Variants in ARGLU1 observed in about 807,000 individuals in gnomAD.
The protein encoded by ARGLU1 is arginine and glutamate rich 1.
In ARGLU1, 9 loss-of-function variants were observed where a neutral mutation model predicts 37.6. The observed-to-expected ratio is 0.24, with a 90% CI of 0.14 to 0.42. The LOEUF is 0.42. Among genes scored for constraint, ARGLU1 ranks in the 10% least tolerant of loss-of-function variants. ARGLU1 has a pLI of 1.00. For synonymous variants in ARGLU1, 166 were observed against 138.5 expected (o/e 1.20, Z -1.39); for missense variants, 211 against 359.2 (o/e 0.59, Z 3.34).
chr13:106,567,683 G>A lies in ARGLU1; in HGVS notation c.237C>T (p.Pro79=), dbSNP rs1881014650. The change falls in exon 1 of 4, where the codon CCC becomes CCT. Residue 79 remains proline, a synonymous_variant. Transcript: ENST00000400198. This position sits in a 1 kb window ranked among gnomAD's most constrained non-coding sequence, Gnocchi z 4.3. ...ERDRERASSP[P]DRIDIFGRTV... ...TGCGCCCGAAGATGTCGATGCGGTCGGGCGGGGACGAGGCGCGCTCCCGGT... is the reference window on the plus strand; with the variant it reads ...TGCGCCCGAAGATGTCGATGCGGTCAGGCGGGGACGAGGCGCGCTCCCGGT... 1.2e-6 allele frequency: 2 copies of A among 1,613,266 alleles called. No homozygotes were observed. Among genetic ancestry groups the A allele is most frequent in the Non-Finnish European group, 1.7e-6 (2 of 1,179,566 alleles).
chr13:106,557,454 AAT>A lies in ARGLU1; in HGVS notation c.574-325_574-324del. On this transcript the variant is annotated intron_variant, in intron 2 of 3. Coordinates refer to ENST00000400198, the MANE Select transcript of ARGLU1 (RefSeq NM_018011.4). The surrounding 1 kb of genome is among the most constrained non-coding windows in gnomAD (Gnocchi z 5.0). The stretch of plus-strand genomic sequence containing the variant: ...ATAGTATTTACCAAATTAAAAAAAT[AAT>A]ATATAAAATATAAATAAAGTGAATA... 1.1e-6 allele frequency: 1 copy of A among 885,586 alleles called. No homozygotes were observed. Among genetic ancestry groups the A allele is most frequent in the Non-Finnish European group, 1.5e-6 (1 of 649,748 alleles). The allele number at this position is 885,586 out of a possible 1,614,324, so 54.9% of individuals were successfully genotyped here.
chr13:106,562,990 CAAA>C (rs745494550), intron 1 of ARGLU1, among the ~76,000 whole-genome samples: 2 of 67,416 alleles, frequency 3.0e-5, no homozygotes, highest in South Asian at 7.9e-4. Context: ...GACCCTGTCT[CAAA>C]AAAAAAAAAA....
At chr13:106,551,379 G>T (rs1310516399) in intron 3 of ARGLU1, among the ~76,000 whole-genome samples, 1 of 152,056 alleles carries the variant, frequency 6.6e-6, no homozygotes, top group Non-Finnish European at 1.5e-5. Flanking sequence ...ATTCAGCCAA[G>T]CTTTCTATCA....
intron 3 of ARGLU1, among the ~76,000 whole-genome samples, chr13:106,551,170 T>C (rs539312345): frequency 5.3e-5 from 8 of 152,330 alleles, no homozygotes; most frequent in African/African-American, 1.9e-4. Flanking sequence ...CCTTTTGCCA[T>C]CTGAGTAGCC....
At position 106,556,215 on chromosome 13, in the gene ARGLU1, T is replaced by C. The variant is rs112143620; in HGVS notation, c.657+833A>G. Among the ~76,000 whole-genome samples, 138 of 152,392 alleles carry C rather than the reference T, an allele frequency of 9.1e-4. No homozygotes were observed. In the Middle Eastern group the frequency reaches 0.014, roughly 15 times the overall value. ...TTAAGATTTTCTTCGGGAAAGCGGA[T>C]TATGGCTTTCCAATAGATTCCATTA... On this transcript the variant is annotated intron_variant, in intron 3 of 3. Transcript: ENST00000400198.
chr13:106,559,630 G>A lies in ARGLU1; in HGVS notation c.375C>T (p.Leu125=), dbSNP rs759091129. The A allele has an allele frequency of 5.6e-6, 9 of 1,613,498 alleles. No individual in the cohort carries two copies. The highest frequency in any genetic ancestry group is 7.6e-6 in the Non-Finnish European group (9 of 1,179,746). ...KIRQQEIEEK[L]IEEETARRVE... ...CTCTTCGTGCTGTTTCTTCCTCGAT[G>A]AGTTTTTCTTCTATTTCTTGCTGTC... Residue 125 remains leucine (L), a synonymous_variant, in exon 2 of 4, where the codon CTC becomes CTT. Transcript: ENST00000400198.
In ARGLU1 at chr13:106,548,460, A is replaced by G. The variant is rs566710945; in HGVS notation, c.658-4300T>C. 3.9e-5 allele frequency among the ~76,000 whole-genome samples: 6 copies of G among 152,282 alleles called. No homozygotes were observed. In the South Asian group the frequency reaches 8.3e-4, roughly 21 times the overall value. On this transcript the variant is annotated intron_variant, in intron 3 of 3. Transcript: ENST00000400198. ...TTTGCATGGGGGGTTGGGGATGCAT[A>G]TATGTATTTATACAGATGAGTAATA...
In ARGLU1 at chr13:106,567,982, C is replaced by T; in HGVS notation, c.-63G>A. 3.3e-6 allele frequency: 5 copies of T among 1,524,130 alleles called. No homozygotes were observed. The highest frequency in any genetic ancestry group is 4.4e-6 in the Non-Finnish European group (5 of 1,148,406). The allele number at this position is 1,524,130 out of a possible 1,614,324, so 94.4% of individuals were successfully genotyped here. A position where few individuals can be genotyped will look rare whatever the true frequency, so the allele number is the denominator to read the frequency against. On this transcript the variant is annotated 5_prime_UTR_variant, in exon 1 of 4. Transcript: ENST00000400198. This position sits in a 1 kb window ranked among gnomAD's most constrained non-coding sequence, Gnocchi z 4.3. ...CTCACGCGGCCAGTTCCCCTCGCCTCCGCCTTCGGACGCGGGCTGGCGGTT... is the reference window on the plus strand; with the variant it reads ...CTCACGCGGCCAGTTCCCCTCGCCTTCGCCTTCGGACGCGGGCTGGCGGTT...
In ARGLU1 at chr13:106,567,947, C is replaced by A. The variant is rs373124293; in HGVS notation, c.-28G>T. 6 of 1,568,474 alleles carry A rather than the reference C, an allele frequency of 3.8e-6. No homozygotes were observed. The highest frequency in any genetic ancestry group is 5.1e-6 in the Non-Finnish European group (6 of 1,168,532). On this transcript the variant is annotated 5_prime_UTR_variant, in exon 1 of 4. Transcript: ENST00000400198. The surrounding 1 kb of genome is among the most constrained non-coding windows in gnomAD (Gnocchi z 4.3). Reference sequence around the variant, plus strand: ...TTCCGGGAGACGCTCTAACCGCTCGCCTCAGGCCCCTCACGCGGCCAGTTC... The same window carrying A: ...TTCCGGGAGACGCTCTAACCGCTCGACTCAGGCCCCTCACGCGGCCAGTTC...
At chr13:106,566,256 C>G (rs1880960257) in intron 1 of ARGLU1, among the ~76,000 whole-genome samples, 1 of 152,176 alleles carries the variant, frequency 6.6e-6, no homozygotes, top group Non-Finnish European at 1.5e-5. Context: ...GCTCCAGGTA[C>G]AGCTTCCTCT....
chr13:106,546,457 C>T (rs1594187580), intron 3 of ARGLU1, among the ~76,000 whole-genome samples: 1 of 152,324 alleles, frequency 6.6e-6, no homozygotes, highest in African/African-American at 2.4e-5. Flanking sequence ...GGAAATCCTA[C>T]CTGTACATCA....
chr13:106,558,700 C>T (rs1880719806), intron 2 of ARGLU1: 2 of 985,298 alleles, frequency 2.0e-6, no homozygotes, highest in African/African-American at 1.7e-5. Flanking sequence ...GCTGATAAAA[C>T]AAATCATGTG....
chr13:106,542,548 A>AT lies in ARGLU1; in HGVS notation c.*1447dup, dbSNP rs1023667999. On this transcript the variant is annotated 3_prime_UTR_variant, in exon 4 of 4. Coordinates refer to ENST00000400198, the MANE Select transcript of ARGLU1 (RefSeq NM_018011.4). Reference sequence around the variant, plus strand: ...AAGAGCTCAAAACTAAAGCAACAGCATTTTTCCTAGCATGCACACACAAAA... The same window carrying AT: ...AAGAGCTCAAAACTAAAGCAACAGCATTTTTTCCTAGCATGCACACACAAAA... 2 of 152,120 alleles carry AT rather than the reference A, an allele frequency of 1.3e-5. No homozygotes were observed. The highest frequency in any genetic ancestry group is 2.9e-5 in the Non-Finnish European group (2 of 67,972). The allele number at this position is 152,120 out of a possible 1,614,324, so 9.4% of individuals were successfully genotyped here. A position where few individuals can be genotyped will look rare whatever the true frequency, so the allele number is the denominator to read the frequency against.
intron 3 of ARGLU1, among the ~76,000 whole-genome samples, chr13:106,556,610 TAGG>T (rs1467272598): frequency 6.6e-6 from 1 of 152,176 alleles, no homozygotes; most frequent in Non-Finnish European, 1.5e-5. Flanking sequence ...GATTATAAAC[TAGG>T]AATAGGAAAT....
At position 106,564,314 on chromosome 13, in the gene ARGLU1, T is replaced by A. The variant is rs557342589; in HGVS notation, c.347+3259A>T. Among the ~76,000 whole-genome samples, 10 of 152,338 alleles carry A rather than the reference T, an allele frequency of 6.6e-5. No homozygotes were observed. The South Asian group carries it at 2.1e-3, about 32-fold the overall frequency. On this transcript the variant is annotated intron_variant, in intron 1 of 3. Coordinates refer to ENST00000400198, the MANE Select transcript of ARGLU1 (RefSeq NM_018011.4). ...CTATTACATGCCAAGTATCACCTACTTTAAATACATCATCTCCAATTTTCA... is the reference window on the plus strand; with the variant it reads ...CTATTACATGCCAAGTATCACCTACATTAAATACATCATCTCCAATTTTCA...
intron 3 of ARGLU1, among the ~76,000 whole-genome samples, chr13:106,551,689 TCTC>T (rs1212768542): frequency 1.3e-5 from 2 of 152,186 alleles, no homozygotes; most frequent in East Asian, 3.9e-4. Flanking sequence ...GGGTGTCCAT[TCTC>T]CTTCTGGAGT....
intron 3 of ARGLU1, among the ~76,000 whole-genome samples, chr13:106,548,964 G>T (rs944062525): frequency 1.3e-5 from 2 of 152,172 alleles, no homozygotes; most frequent in Non-Finnish European, 2.9e-5. Context: ...TGTTAGCCAG[G>T]ATGGTCTAGA....
In ARGLU1 at chr13:106,567,555, C is replaced by A; in HGVS notation, c.347+18G>T. The stretch of plus-strand genomic sequence containing the variant: ...CTGCTCTCCGCACGCCCCGGTCCCT[C>A]CCCGCGCGGGCACTCACATTTTTCG... On this transcript the variant is annotated intron_variant, in intron 1 of 3. Coordinates refer to ENST00000400198, the MANE Select transcript of ARGLU1 (RefSeq NM_018011.4). The surrounding 1 kb of genome is among the most constrained non-coding windows in gnomAD (Gnocchi z 4.3). The A allele has an allele frequency of 6.4e-7, 1 of 1,562,100 alleles. No individual in the cohort carries two copies. Among genetic ancestry groups the A allele is most frequent in the South Asian group, 1.1e-5 (1 of 90,152 alleles).
At position 106,542,558 on chromosome 13, in the gene ARGLU1, G is replaced by A. The variant is rs1264593581; in HGVS notation, c.*1438C>T. ...AACTAAAGCAACAGCATTTTTCCTA[G>A]CATGCACACACAAAATAATCTACCA... On this transcript the variant is annotated 3_prime_UTR_variant, in exon 4 of 4. Coordinates refer to ENST00000400198, the MANE Select transcript of ARGLU1 (RefSeq NM_018011.4). 1 of 151,972 alleles carries A rather than the reference G, an allele frequency of 6.6e-6. No homozygotes were observed. The highest frequency in any genetic ancestry group is 1.5e-5 in the Non-Finnish European group (1 of 67,946). The allele number at this position is 151,972 out of a possible 1,614,324, so 9.4% of individuals were successfully genotyped here. A position where few individuals can be genotyped will look rare whatever the true frequency, so the allele number is the denominator to read the frequency against.
Sources: gnomAD v4.1 joint callset for allele counts (sites outside exome capture counted in the v4.1 genomes callset) on GRCh38, gnomAD v4.1.1 for gene constraint, Gnocchi (gnomAD v3.1) non-coding constraint, MANE v1.5 for transcripts, NCBI Gene and HGNC (gene_info 2026-07-23, HGNC 2026-07-21) for gene names.